The following ULK4 variants were observed in gnomAD, a reference collection of about 807,000 sequenced individuals.
ULK4 encodes inactive serine/threonine-protein kinase ULK4.
ULK4 carries 133 observed loss-of-function variants against 160.6 expected under a neutral mutation model. The ratio of observed to expected loss-of-function variants is 0.83; its 90% CI spans 0.72 to 0.96. The LOEUF (loss-of-function observed/expected upper bound fraction) is 0.96. ULK4 is among the 40% of genes least tolerant of loss of function. The probability of loss-of-function intolerance (pLI) is 0.00; values close to 1 mark genes in which losing one functional copy is unlikely to be tolerated. For missense variants in ULK4, 1,580 were observed against 1,499.5 expected (o/e 1.05, Z -0.89); for synonymous variants, 534 against 539.8 (o/e 0.99, Z 0.15).
rs566255823 is a variant in ULK4, at chr3:41,641,344, G to T, written c.3071+22263C>A. Among the ~76,000 whole-genome samples, 7 of 152,142 alleles carry T rather than the reference G, an allele frequency of 4.6e-5. No homozygotes were observed. The South Asian group carries it at 8.3e-4, about 18-fold the overall frequency. The stretch of plus-strand genomic sequence containing the variant: ...GCATATTAGTAGGGGCTAAGTTGTC[G>T]AGGTAATAAAAAGAAAACAAAAACT... On this transcript the variant is annotated intron_variant, in intron 30 of 36. Transcript: ENST00000301831.
At chr3:41,367,882 T>TA (rs1188084541) in intron 35 of ULK4, among the ~76,000 whole-genome samples, 1 of 152,170 alleles carries the variant, frequency 6.6e-6, no homozygotes, top group Non-Finnish European at 1.5e-5. Flanking sequence ...TGTATGCAGG[T>TA]ATACACATAT....
chr3:41,641,587 A>G (rs2125717056), intron 30 of ULK4, among the ~76,000 whole-genome samples: 1 of 152,286 alleles, frequency 6.6e-6, no homozygotes, highest in Non-Finnish European at 1.5e-5. Flanking sequence ...AGTCACAGCT[A>G]AAACTTTTAA....
chr3:41,901,256 T>G (rs1369885351), intron 12 of ULK4, among the ~76,000 whole-genome samples: 1 of 146,442 alleles, frequency 6.8e-6, no homozygotes, highest in Admixed American at 6.9e-5. Flanking sequence ...CTCGGCTCAC[T>G]ACAAGCTCTG....
chr3:41,694,466 C>A (rs570117693), intron 27 of ULK4, among the ~76,000 whole-genome samples: 9 of 152,218 alleles, frequency 5.9e-5, no homozygotes, highest in Admixed American at 5.9e-4. Flanking sequence ...TAGTTTTGAA[C>A]ATGGCCTAGA....
At chr3:41,928,876 C>G (rs1017769368) in intron 5 of ULK4, among the ~76,000 whole-genome samples, 2 of 151,990 alleles carry the variant, frequency 1.3e-5, no homozygotes, top group African/African-American at 4.8e-5. Flanking sequence ...ATGTCCAGGA[C>G]CAGAAAGATT....
chr3:41,724,472 C>G (rs2037577823), intron 22 of ULK4, among the ~76,000 whole-genome samples: 1 of 152,114 alleles, frequency 6.6e-6, no homozygotes, highest in African/African-American at 2.4e-5. Flanking sequence ...CATCTGTAAT[C>G]CCAGCACTTT....
chr3:41,647,584 G>T (rs2034560631), intron 30 of ULK4, among the ~76,000 whole-genome samples: 1 of 152,210 alleles, frequency 6.6e-6, no homozygotes, highest in African/African-American at 2.4e-5. Flanking sequence ...TGGGCCGTGT[G>T]AGGTGTCAGT....
At chr3:41,362,545 T>C (rs2081167830) in intron 35 of ULK4, among the ~76,000 whole-genome samples, 1 of 152,158 alleles carries the variant, frequency 6.6e-6, no homozygotes, top group Non-Finnish European at 1.5e-5. Flanking sequence ...CTAAAATATC[T>C]AGCTTCAAAT....
At chr3:41,464,659 A>T (rs1310711055) in intron 32 of ULK4, among the ~76,000 whole-genome samples, 2 of 152,234 alleles carry the variant, frequency 1.3e-5, no homozygotes, top group Non-Finnish European at 2.9e-5. Context: ...TTGAAAACAT[A>T]GTATTTGGTA....
chr3:41,423,483 T>C (rs938044862), intron 34 of ULK4, among the ~76,000 whole-genome samples: 4 of 152,058 alleles, frequency 2.6e-5, no homozygotes, highest in African/African-American at 9.7e-5. Context: ...ACAACTCTAA[T>C]AATAGAGCAT....
intron 35 of ULK4, among the ~76,000 whole-genome samples, chr3:41,280,925 GA>G (rs1449018316): frequency 2.6e-5 from 4 of 151,950 alleles, no homozygotes; most frequent in Non-Finnish European, 5.9e-5. Flanking sequence ...TAATAAAGAA[GA>G]AAAGAGTGAA....
chr3:41,399,847 C>T (rs1325118187), intron 34 of ULK4, among the ~76,000 whole-genome samples: 1 of 152,180 alleles, frequency 6.6e-6, no homozygotes, highest in African/African-American at 2.4e-5. Context: ...AAGCAATCCT[C>T]CTGCCTTGTC....
chr3:41,768,442 T>G (rs1434667639), intron 21 of ULK4, among the ~76,000 whole-genome samples: 1 of 152,160 alleles, frequency 6.6e-6, no homozygotes, highest in Non-Finnish European at 1.5e-5. Context: ...AAGGCTAGGT[T>G]TGAAATGGTC....
chr3:41,756,855 C>T lies in ULK4; in HGVS notation c.2194-2367G>A, dbSNP rs137856514. 2.5e-3 allele frequency among the ~76,000 whole-genome samples: 379 copies of T among 152,150 alleles called. 5 individuals carry two copies. The highest frequency in any genetic ancestry group is 3.1e-3 in the South Asian group (15 of 4,812). ...ACAGCTCTAAGATTTAAAAAATAAACACAAAATGATTCAAAGATCTAGAAG... is the reference window on the plus strand; with the variant it reads ...ACAGCTCTAAGATTTAAAAAATAAATACAAAATGATTCAAAGATCTAGAAG... On this transcript the variant is annotated intron_variant, in intron 21 of 36. Coordinates refer to ENST00000301831, the MANE Select transcript of ULK4 (RefSeq NM_017886.4).
intron 21 of ULK4, among the ~76,000 whole-genome samples, chr3:41,782,156 A>AT (rs35717916): frequency 0.13 from 18,668 of 142,870 alleles, 3,505 homozygotes; most frequent in African/African-American, 0.42. Flanking sequence ...GCGATTCTGA[A>AT]TTTTTTTTTT....
At chr3:41,497,626 C>G (rs949703255) in intron 32 of ULK4, among the ~76,000 whole-genome samples, 1 of 152,128 alleles carries the variant, frequency 6.6e-6, no homozygotes, top group African/African-American at 2.4e-5. Context: ...ACCAAATATA[C>G]TGTACCACAA....
intron 35 of ULK4, among the ~76,000 whole-genome samples, chr3:41,297,189 T>C (rs1429088987): frequency 1.3e-5 from 2 of 152,260 alleles, no homozygotes; most frequent in Non-Finnish European, 2.9e-5. Context: ...GCGCCTGCTG[T>C]GCATCAGCAT....
At chr3:41,512,914 AG>A (rs2085635078) in intron 32 of ULK4, among the ~76,000 whole-genome samples, 1 of 152,160 alleles carries the variant, frequency 6.6e-6, no homozygotes, top group South Asian at 2.1e-4. Flanking sequence ...GCATGGTACT[AG>A]TATAAAAATA....
intron 32 of ULK4, among the ~76,000 whole-genome samples, chr3:41,508,537 A>C (rs1417948722): frequency 6.6e-6 from 1 of 152,062 alleles, no homozygotes; most frequent in Non-Finnish European, 1.5e-5. Context: ...CAAAACAAAA[A>C]TATAACCAAG....
Sources: allele counts gnomAD v4.1 joint callset (sites outside exome capture counted in the v4.1 genomes callset), GRCh38; gene constraint gnomAD v4.1.1; transcripts MANE v1.5; gene names NCBI Gene and HGNC (gene_info 2026-07-23, HGNC 2026-07-21).